MYT1L: variants seen among roughly 807,000 people sequenced by gnomAD.
MYT1L encodes myelin transcription factor 1 like.
In MYT1L, 12 loss-of-function variants were observed where a neutral mutation model predicts 126.7. The observed-to-expected ratio is 0.09, with a 90% CI of 0.06 to 0.15. MYT1L has a LOEUF of 0.15. MYT1L is among the 10% of genes least tolerant of loss of function. MYT1L has a pLI of 1.00. For synonymous variants in MYT1L, 541 were observed against 604.2 expected, an observed-to-expected ratio of 0.90 and a Z score of 1.53; for missense variants, 979 against 1,585.2, an observed-to-expected ratio of 0.62 and a Z score of 6.49.
At position 2,279,556 on chromosome 2, in the gene MYT1L, G is replaced by GGAAT. The variant is rs374691207; in HGVS notation, c.-421+4844_-421+4847dup. On this transcript the variant is annotated intron_variant, in intron 2 of 24. Coordinates refer to ENST00000647738, the MANE Select transcript of MYT1L (RefSeq NM_001303052.2). Reference sequence around the variant, plus strand: ...AGGAAGGAGAGAGAGAAAGAGAGAAGGAATGAATGAATGAAGGAAGGAAGG... The same window carrying GGAAT: ...AGGAAGGAGAGAGAGAAAGAGAGAAGGAATGAATGAATGAATGAAGGAAGGAAGG... 2.2e-4 allele frequency among the ~76,000 whole-genome samples: 26 copies of GGAAT among 119,736 alleles called. 1 individual carries two copies. Among genetic ancestry groups the GGAAT allele is most frequent in the Admixed American group, 1.6e-3 (16 of 9,986 alleles). 78.6% of individuals were successfully genotyped at this position (119,736 alleles called of 152,430 possible).
At chr2:2,106,818 C>T (rs1330247337) in intron 3 of MYT1L, among the ~76,000 whole-genome samples, 3 of 152,044 alleles carry the variant, frequency 2.0e-5, no homozygotes, top group Admixed American at 2.0e-4. Context: ...TTCAGTATGT[C>T]CAAGGTGGTG....
chr2:1,836,530 CGCTCCAATATTCCATCAGCCTGT>C (rs2040917127), intron 21 of MYT1L, among the ~76,000 whole-genome samples: 1 of 147,350 alleles, frequency 6.8e-6, no homozygotes, highest in Non-Finnish European at 1.5e-5. Context: ...CATCAGCCTG[CGCTCCAATATTCCATCAGCCTGT>C]GCCCCAAAAT....
intron 4 of MYT1L, among the ~76,000 whole-genome samples, chr2:2,036,488 C>T (rs1363721396): frequency 2.6e-5 from 4 of 151,936 alleles, no homozygotes; most frequent in South Asian, 2.1e-4. Context: ...GAAGAGAGCT[C>T]GTAACTTCTC....
chr2:2,066,020 G>A (rs987678194), intron 3 of MYT1L, among the ~76,000 whole-genome samples: 6 of 152,004 alleles, frequency 3.9e-5, no homozygotes, highest in East Asian at 1.9e-4. Context: ...GCCTCATGAC[G>A]TTTTTCACAC....
At chr2:2,141,747 T>C (rs1269030992) in intron 3 of MYT1L, among the ~76,000 whole-genome samples, 2 of 152,200 alleles carry the variant, frequency 1.3e-5, no homozygotes, top group African/African-American at 2.4e-5. Flanking sequence ...CCAGGACAGA[T>C]GAATAAGCTG....
intron 1 of MYT1L, among the ~76,000 whole-genome samples, chr2:2,330,342 TAC>T (rs1187808835): frequency 3.3e-5 from 5 of 152,158 alleles, no homozygotes; most frequent in Admixed American, 3.3e-4. Context: ...TATAAATATT[TAC>T]ATATATATTT....
chr2:1,961,138 C>A (rs1486431569), intron 8 of MYT1L, among the ~76,000 whole-genome samples: 3 of 152,322 alleles, frequency 2.0e-5, no homozygotes, highest in African/African-American at 7.2e-5. Context: ...TCAAACCTGG[C>A]TGTATGTGAT....
chr2:2,044,368 C>T (rs534238777), intron 4 of MYT1L, among the ~76,000 whole-genome samples: 17 of 152,282 alleles, frequency 1.1e-4, no homozygotes, highest in South Asian at 8.3e-4. Flanking sequence ...GTTACATAAG[C>T]GTAAAGTTGC....
intron 8 of MYT1L, among the ~76,000 whole-genome samples, chr2:1,956,545 C>A (rs2058457081): frequency 6.8e-6 from 1 of 148,080 alleles, no homozygotes; most frequent in African/African-American, 2.5e-5. Flanking sequence ...ATCTATCTAT[C>A]TATCATCTAT....
intron 1 of MYT1L, among the ~76,000 whole-genome samples, chr2:2,296,668 G>A (rs894817504): frequency 2.6e-5 from 4 of 152,110 alleles, no homozygotes; most frequent in Non-Finnish European, 4.4e-5. Flanking sequence ...CCTCAGGCCC[G>A]GTGGGGACAC....
intron 3 of MYT1L, among the ~76,000 whole-genome samples, chr2:2,121,086 G>A (rs1311371801): frequency 6.6e-6 from 1 of 152,114 alleles, no homozygotes; most frequent in South Asian, 2.1e-4. Context: ...TCGAACTGCC[G>A]GATTTTCATT....
chr2:2,165,437 T>C (rs974716037), intron 3 of MYT1L, among the ~76,000 whole-genome samples: 1 of 152,134 alleles, frequency 6.6e-6, no homozygotes, highest in Non-Finnish European at 1.5e-5. Context: ...CACACCTAAA[T>C]ATGTCAACAT....
At chr2:2,214,319 G>A (rs2093618341) in intron 2 of MYT1L, among the ~76,000 whole-genome samples, 1 of 150,856 alleles carries the variant, frequency 6.6e-6, no homozygotes. Context: ...GAAGTTGCTG[G>A]CAGAACAATC....
At chr2:1,993,133 A>G (rs2061569718) in intron 5 of MYT1L, among the ~76,000 whole-genome samples, 1 of 152,178 alleles carries the variant, frequency 6.6e-6, no homozygotes. Context: ...TGGAGTAATA[A>G]TGAAACTCCA....
At chr2:2,015,910 T>C (rs1370209184) in intron 4 of MYT1L, among the ~76,000 whole-genome samples, 1 of 152,160 alleles carries the variant, frequency 6.6e-6, no homozygotes, top group African/African-American at 2.4e-5. Flanking sequence ...TCCAGGAATA[T>C]GGGTGGGACT....
At chr2:1,898,386 A>G (rs944477439) in intron 14 of MYT1L, among the ~76,000 whole-genome samples, 4 of 152,164 alleles carry the variant, frequency 2.6e-5, no homozygotes, top group Non-Finnish European at 5.9e-5. Context: ...CTAATCTTAC[A>G]TGGGAAAGAA....
intron 2 of MYT1L, among the ~76,000 whole-genome samples, chr2:2,267,010 C>T (rs1024944147): frequency 2.0e-5 from 3 of 152,180 alleles, no homozygotes; most frequent in African/African-American, 4.8e-5. Flanking sequence ...CTAAGGAGTA[C>T]GTGGAGAGTG....
In MYT1L at chr2:1,869,830, CAGGAGCTCCCA is replaced by C. The variant is rs554964822; in HGVS notation, c.2711+16698_2711+16708del. On this transcript the variant is annotated intron_variant, in intron 18 of 24. Transcript: ENST00000647738. ...TCAGGTTTCCCAGCAAGTGGCAAGC[CAGGAGCTCCCA>C]AGGCTGTTTGAATCTGGGGCCAGTG... 6.7e-3 allele frequency among the ~76,000 whole-genome samples: 1,015 copies of C among 152,308 alleles called. 16 individuals carry two copies. Among genetic ancestry groups the C allele is most frequent in the Non-Finnish European group, 8.4e-3 (570 of 68,018 alleles).
At chr2:2,039,427 C>T (rs2067262222) in intron 4 of MYT1L, among the ~76,000 whole-genome samples, 1 of 151,992 alleles carries the variant, frequency 6.6e-6, no homozygotes, top group Admixed American at 6.6e-5. Flanking sequence ...CTACATATGA[C>T]CTTGATGTAT....
Sources: allele counts gnomAD v4.1 joint callset (sites outside exome capture counted in the v4.1 genomes callset), GRCh38; gene constraint gnomAD v4.1.1; transcripts MANE v1.5; gene names NCBI Gene and HGNC (gene_info 2026-07-23, HGNC 2026-07-21).